PARP8: variants seen among roughly 807,000 people sequenced by gnomAD.
The protein encoded by PARP8 is poly(ADP-ribose) polymerase family member 8, also known as protein mono-ADP-ribosyltransferase PARP8.
In PARP8, 51 loss-of-function variants were observed where a neutral mutation model predicts 124.1. The observed-to-expected ratio is 0.41, with a 90% CI of 0.33 to 0.52. The LOEUF is 0.52. Ranked by LOEUF, PARP8 falls within the 20% of genes least tolerant of loss-of-function variation. The pLI is 0.21. For synonymous variants in PARP8, 391 were observed against 361.5 expected (o/e 1.08, Z -0.93); for missense variants, 860 against 1,018.9 (o/e 0.84, Z 2.12).
At chr5:50,834,579 T>C (rs143864376) in intron 24 of PARP8, among the ~76,000 whole-genome samples, 200 of 152,306 alleles carry the variant, frequency 1.3e-3, no homozygotes, top group Non-Finnish European at 2.3e-3. Flanking sequence ...GTTAGGAGTT[T>C]TAGTAGCTGC....
chr5:50,724,770 G>T (rs1435240107), intron 2 of PARP8, among the ~76,000 whole-genome samples: 1 of 151,834 alleles, frequency 6.6e-6, no homozygotes, highest in Non-Finnish European at 1.5e-5. Flanking sequence ...TTACACGGTG[G>T]TGAATTCTGA....
At position 50,742,077 on chromosome 5, in the gene PARP8, C is replaced by T. The variant is rs533004191; in HGVS notation, c.147-8074C>T. 6.0e-5 allele frequency: 15 copies of T among 249,112 alleles called. No homozygotes were observed. The East Asian group carries it at 6.9e-4, about 11-fold the overall frequency. The allele number at this position is 249,112 out of a possible 1,614,324, so 15.4% of individuals were successfully genotyped here. A position where few individuals can be genotyped will look rare whatever the true frequency, so the allele number is the denominator to read the frequency against. The stretch of plus-strand genomic sequence containing the variant: ...CGCCCGCTTTGGCCTCCCAAAGTAC[C>T]GGGATTACAGGCGTGAGCCACCGCC... On this transcript the variant is annotated intron_variant, in intron 2 of 25. Coordinates refer to ENST00000281631, the MANE Select transcript of PARP8 (RefSeq NM_024615.4).
intron 2 of PARP8, among the ~76,000 whole-genome samples, chr5:50,734,394 T>C (rs1757281600): frequency 6.6e-6 from 1 of 152,160 alleles, no homozygotes; most frequent in Non-Finnish European, 1.5e-5. Context: ...CAGTTCTTCA[T>C]TTGCTTTGGG....
At chr5:50,816,853 G>A (rs1478707455) in intron 15 of PARP8, among the ~76,000 whole-genome samples, 3 of 151,876 alleles carry the variant, frequency 2.0e-5, no homozygotes, top group South Asian at 2.1e-4. Context: ...TTTTTTAAAT[G>A]TGAAAGTTTT....
At chr5:50,785,440 T>C (rs1433319362) in intron 9 of PARP8, among the ~76,000 whole-genome samples, 1 of 152,234 alleles carries the variant, frequency 6.6e-6, no homozygotes, top group Non-Finnish European at 1.5e-5. Context: ...TCTACATTTT[T>C]GTAGCTAGAT....
chr5:50,732,206 A>G (rs1411020421), intron 2 of PARP8, among the ~76,000 whole-genome samples: 1 of 152,218 alleles, frequency 6.6e-6, no homozygotes, highest in African/African-American at 2.4e-5. Flanking sequence ...CTGGCAGTAG[A>G]AATACAATAC....
intron 2 of PARP8, among the ~76,000 whole-genome samples, chr5:50,712,694 A>G (rs1426244829): frequency 1.3e-5 from 2 of 152,124 alleles, no homozygotes; most frequent in South Asian, 2.1e-4. Context: ...ACATTATAGT[A>G]TAATGTCATA....
In PARP8 at chr5:50,836,220, G is replaced by A. The variant is rs1361866350; in HGVS notation, c.2462+1205G>A. Among the ~76,000 whole-genome samples, 3 of 152,160 alleles carry A rather than the reference G, an allele frequency of 2.0e-5. 1 individual carries two copies. Among genetic ancestry groups the A allele is most frequent in the Non-Finnish European group, 2.9e-5 (2 of 68,030 alleles). On this transcript the variant is annotated intron_variant, in intron 25 of 25. Coordinates refer to ENST00000281631, the MANE Select transcript of PARP8 (RefSeq NM_024615.4). Reference sequence around the variant, plus strand: ...CAGTGAGGCAGCAGTGAGTATAGGAGAAGGAGCCCGCTTTTGATCAGATAG... The same window carrying A: ...CAGTGAGGCAGCAGTGAGTATAGGAAAAGGAGCCCGCTTTTGATCAGATAG...
chr5:50,766,767 G>A (rs145171617), intron 7 of PARP8, among the ~76,000 whole-genome samples: 535 of 152,142 alleles, frequency 3.5e-3, no homozygotes, highest in Middle Eastern at 0.01. Context: ...TGAGGGTAAC[G>A]TTTGGGAAAC....
Position 50,763,235 on chromosome 5 carries a change from T to C in PARP8, c.511T>C (p.Ser171Pro), listed in dbSNP as rs1760735124. The C allele has an allele frequency of 1.2e-6, 2 of 1,604,272 alleles. No individual in the cohort carries two copies. Among genetic ancestry groups the C allele is most frequent in the Non-Finnish European group, 1.7e-6 (2 of 1,171,228 alleles). The change falls in exon 7 of 26, where the codon TCT becomes CCT. Residue 171 changes from serine to proline, a missense_variant. By Grantham distance (74) the Ser-to-Pro change is moderately conservative. Around this residue, in one of 2 missense-constraint regions of PARP8, gnomAD observed 517 missense variants for 544.2 expected, o/e 0.95. Transcript: ENST00000281631. ...AGAGATATATGGGCCACATGCAGTT[T>C]CTCTCAGGTAAATAAGTATCACTGG... ...VREIYGPHAV[S>P]LREYGAIDDV... is the part of the protein sequence containing the mutation.
At chr5:50,824,346 A>T (rs1243452415) in intron 17 of PARP8, among the ~76,000 whole-genome samples, 1 of 152,172 alleles carries the variant, frequency 6.6e-6, no homozygotes, top group Non-Finnish European at 1.5e-5. Context: ...GCAGTGGGGG[A>T]GAGAGACTGC....
At position 50,788,454 on chromosome 5, in the gene PARP8, CT is replaced by C. The variant is rs1222234162; in HGVS notation, c.671-64del. 4 of 1,442,268 alleles carry C rather than the reference CT, an allele frequency of 2.8e-6. No individual in the cohort carries two copies. The Admixed American group carries it at 5.2e-5, about 19-fold the overall frequency. The allele number at this position is 1,442,268 out of a possible 1,614,324, so 89.3% of individuals were successfully genotyped here. On this transcript the variant is annotated intron_variant, in intron 9 of 25. Coordinates refer to ENST00000281631, the MANE Select transcript of PARP8 (RefSeq NM_024615.4). Reference sequence around the variant, plus strand: ...TGCACATATATAATGCGATTTCAACCTTTTTCTGGCTGATGGTTGAGTTTCA... The same window carrying C: ...TGCACATATATAATGCGATTTCAACCTTTTCTGGCTGATGGTTGAGTTTCA...
intron 7 of PARP8, among the ~76,000 whole-genome samples, chr5:50,768,463 A>G (rs934627043): frequency 2.0e-5 from 3 of 152,192 alleles, no homozygotes; most frequent in Non-Finnish European, 4.4e-5. Context: ...CATGTCGGGA[A>G]AGAACATTTG....
chr5:50,678,140 T>C (rs185869395), intron 2 of PARP8, among the ~76,000 whole-genome samples: 1 of 152,256 alleles, frequency 6.6e-6, no homozygotes, highest in East Asian at 1.9e-4. Flanking sequence ...AAAACTATAC[T>C]AAACAAAAAG....
chr5:50,767,723 G>A (rs2149588452), intron 7 of PARP8, among the ~76,000 whole-genome samples: 1 of 152,198 alleles, frequency 6.6e-6, no homozygotes, highest in Admixed American at 6.5e-5. Context: ...GCTTTAATCT[G>A]CCAGAATTTC....
At chr5:50,839,203 T>C (rs1481426015) in intron 25 of PARP8, among the ~76,000 whole-genome samples, 1 of 152,076 alleles carries the variant, frequency 6.6e-6, no homozygotes, top group African/African-American at 2.4e-5. Flanking sequence ...GGTTAATTTT[T>C]CGTTAAAATT....
chr5:50,738,309 G>A (rs7708414), intron 2 of PARP8, among the ~76,000 whole-genome samples: 9,505 of 152,086 alleles, frequency 0.062, 351 homozygotes, highest in South Asian at 0.18. Flanking sequence ...AAACCTGTGC[G>A]CTTGCAGTTT....
intron 14 of PARP8, among the ~76,000 whole-genome samples, chr5:50,813,500 G>T (rs1233606247): frequency 2.0e-5 from 3 of 152,134 alleles, no homozygotes; most frequent in South Asian, 4.1e-4. Context: ...GGGCTGAGAC[G>T]ATGGGGTTTT....
At chr5:50,695,486 C>T (rs181469355) in intron 2 of PARP8, among the ~76,000 whole-genome samples, 6 of 152,126 alleles carry the variant, frequency 3.9e-5, no homozygotes, top group African/African-American at 1.2e-4. Context: ...TCATAAAAGC[C>T]GTAATTTGTA....
Sources: allele counts gnomAD v4.1 joint callset (sites outside exome capture counted in the v4.1 genomes callset), GRCh38; gene constraint gnomAD v4.1.1; regional missense constraint gnomAD v4.1.1; transcripts MANE v1.5; gene names NCBI Gene and HGNC (gene_info 2026-07-23, HGNC 2026-07-21).